Variants in UTP20 observed in about 807,000 individuals in gnomAD.
The protein encoded by UTP20 is UTP20 small subunit processome component, also known as small subunit processome component 20 homolog.
A neutral mutation model predicts 329.5 loss-of-function variants in UTP20; 164 were observed. That is an observed-to-expected ratio of 0.50 (90% CI 0.44 to 0.57). UTP20 has a LOEUF of 0.57. Among genes scored for constraint, UTP20 ranks in the 20% least tolerant of loss-of-function variants. UTP20 has a pLI of 0.00. For missense variants in UTP20, 3,055 were observed against 3,284.2 expected (o/e 0.93, Z 1.71); for synonymous variants, 1,151 against 1,159.3 (o/e 0.99, Z 0.14).
At chr12:101,295,014 C>A (rs376419220) in intron 11 of UTP20, among the ~76,000 whole-genome samples, 27 of 152,280 alleles carry the variant, frequency 1.8e-4, no homozygotes, top group African/African-American at 6.0e-4. Context: ...TTCTTGGAGA[C>A]ATTTCTCCTG....
chr12:101,379,692 G>A, intron 57 of UTP20, 134 bp downstream of exon 57: 2 of 954,604 alleles, frequency 2.1e-6, no homozygotes, highest in South Asian at 2.0e-5. Context: ...GAATCAATAG[G>A]AATATTAGTC....
chr12:101,341,543 A>G (rs1021105001), intron 32 of UTP20, among the ~76,000 whole-genome samples: 2 of 152,244 alleles, frequency 1.3e-5, no homozygotes, highest in Non-Finnish European at 2.9e-5. Context: ...TCACATTTCC[A>G]CATATGTGGA....
chr12:101,370,055 A>G (rs554851047), intron 49 of UTP20, among the ~76,000 whole-genome samples, 164 bp downstream of exon 49: 3 of 151,414 alleles, frequency 2.0e-5, no homozygotes, highest in Admixed American at 1.3e-4. Context: ...GTCTACATAA[A>G]AAAAAAAAAA....
chr12:101,344,969 G>A (rs865919835), intron 36 of UTP20, among the ~76,000 whole-genome samples: 94 of 114,796 alleles, frequency 8.2e-4, no homozygotes, highest in African/African-American at 2.8e-3. Flanking sequence ...TTTTTGAGAC[G>A]GAGTCTCGCT....
At chr12:101,375,068 T>G in intron 55 of UTP20, 129 bp downstream of exon 55, 2 of 632,552 alleles carry the variant, frequency 3.2e-6, no homozygotes, top group Non-Finnish European at 5.2e-6. Context: ...TTATAGCTAA[T>G]CAATTAAATA....
At chr12:101,375,586 T>C (rs1211629367) in intron 55 of UTP20, 38 bp from the exon 56 acceptor site, 1 of 1,604,120 alleles carries the variant, frequency 6.2e-7, no homozygotes, top group Non-Finnish European at 8.5e-7. Context: ...TACTTTCAGA[T>C]TGTTGTTTTC....
intron 52 of UTP20, 118 bp from the exon 53 acceptor site, chr12:101,373,283 A>G: frequency 1.1e-6 from 1 of 951,874 alleles, no homozygotes; most frequent in East Asian, 2.6e-5. Context: ...AGGAAAACAG[A>G]GCATTTTCCA....
chr12:101,373,977 T>C (rs1593454381), intron 54 of UTP20, among the ~76,000 whole-genome samples: 1 of 152,348 alleles, frequency 6.6e-6, no homozygotes, highest in East Asian at 1.9e-4. Flanking sequence ...GGCTCACGCC[T>C]GTAATCCCAG....
rs202205893 is a variant in UTP20, at chr12:101,338,893, G to A, written c.3949G>A (p.Ala1317Thr). Reference sequence around the variant, plus strand: ...GTATCTCAGCAAAACCACAATAAGCGCAGAAAAGGTGAAAAAGAAAAAGAA... The same window carrying A: ...GTATCTCAGCAAAACCACAATAAGCACAGAAAAGGTGAAAAAGAAAAAGAA... ...LQYLSKTTIS[A>T]EKVKKKKNRA... The change falls in exon 31 of 62, where the codon GCA becomes ACA. Residue 1317 changes from alanine (A) to threonine (T), a missense_variant. Transcript: ENST00000261637. The A allele has an allele frequency of 1.8e-5, 29 of 1,610,918 alleles. No homozygotes were observed. The highest frequency in any genetic ancestry group is 2.2e-5 in the South Asian group (2 of 90,556).
intron 24 of UTP20, 95 bp from the exon 25 acceptor site, chr12:101,321,409 A>G (rs2137260506): frequency 6.5e-7 from 1 of 1,534,728 alleles, no homozygotes; most frequent in South Asian, 1.2e-5. Flanking sequence ...TATATACCTT[A>G]TTTTAGTTAT....
At chr12:101,379,264 G>T (rs535976864) in intron 56 of UTP20, 107 bp from the exon 57 acceptor site, 5 of 1,008,074 alleles carry the variant, frequency 5.0e-6, no homozygotes, top group Admixed American at 3.2e-5. Flanking sequence ...TTCATCTTTG[G>T]TTCCCCACTC....
chr12:101,345,570 A>G lies in UTP20; in HGVS notation c.4622A>G (p.Tyr1541Cys). 1 of 1,592,302 alleles carries G rather than the reference A, an allele frequency of 6.3e-7. No individual in the cohort carries two copies. Among genetic ancestry groups the G allele is most frequent in the South Asian group, 1.1e-5 (1 of 88,648 alleles). ...KSQTESIQQD[Y>C]TTILSCLIQT... Reference sequence around the variant, plus strand: ...TATTTACAGAGTATTCAGCAGGATTATACCACAATACTTTCCTGTTTAATT... The same window carrying G: ...TATTTACAGAGTATTCAGCAGGATTGTACCACAATACTTTCCTGTTTAATT... Residue 1541 changes from tyrosine (Y) to cysteine (C), a missense_variant, in exon 37 of 62, where the codon TAT becomes TGT. By Grantham distance (194) the Tyr-to-Cys change is radical. Transcript: ENST00000261637.
At chr12:101,365,074 G>T (rs1350814401) in intron 45 of UTP20, among the ~76,000 whole-genome samples, 1 of 92,558 alleles carries the variant, frequency 1.1e-5, no homozygotes, top group Non-Finnish European at 2.7e-5. Flanking sequence ...TTTGTTGATT[G>T]TGTGTGTGTG....
At chr12:101,294,541 C>CTTT (rs1211436109) in intron 11 of UTP20, among the ~76,000 whole-genome samples, 25 of 129,280 alleles carry the variant, frequency 1.9e-4, no homozygotes, top group African/African-American at 3.8e-4. Context: ...TCTCGTTTTT[C>CTTT]TTTTTTTTTT....
intron 32 of UTP20, among the ~76,000 whole-genome samples, chr12:101,340,937 C>CTTTTTTTTTTTTTTTTTTTTTTTTT (rs71091488): frequency 3.6e-5 from 3 of 83,024 alleles, no homozygotes; most frequent in Non-Finnish European, 5.5e-5. Context: ...ATTGTGTAAT[C>CTTTTTTTTTTTTTTTTTTTTTTTTT]TTTTTTTTTT....
At chr12:101,290,380 C>A (rs1593418138) in intron 7 of UTP20, 106 bp downstream of exon 7, 1 of 1,333,928 alleles carries the variant, frequency 7.5e-7, no homozygotes, top group Non-Finnish European at 1.0e-6. Context: ...GAGTACATAG[C>A]ACTAGATGAG....
intron 60 of UTP20, 48 bp from the exon 61 acceptor site, chr12:101,385,535 G>T: frequency 6.4e-7 from 1 of 1,572,160 alleles, no homozygotes; most frequent in Non-Finnish European, 8.6e-7. Flanking sequence ...ATGTTCAAAT[G>T]TGTCCTTTCC....
intron 43 of UTP20, among the ~76,000 whole-genome samples, chr12:101,357,966 G>A (rs1412915537): frequency 6.6e-6 from 1 of 152,166 alleles, no homozygotes; most frequent in Non-Finnish European, 1.5e-5. Context: ...TTTGAGGAAC[G>A]CTGCAGCTTC....
intron 38 of UTP20, among the ~76,000 whole-genome samples, chr12:101,351,251 T>G (rs1253930947): frequency 1.3e-5 from 2 of 151,974 alleles, no homozygotes; most frequent in Non-Finnish European, 2.9e-5. Context: ...CACAGCCTCC[T>G]GAGTAGCTGG....
Sources: gnomAD v4.1 joint callset for allele counts (sites outside exome capture counted in the v4.1 genomes callset) on GRCh38, gnomAD v4.1.1 for gene constraint, MANE v1.5 for transcripts, NCBI Gene and HGNC (gene_info 2026-07-23, HGNC 2026-07-21) for gene names.